The following LINGO2 variants were observed in gnomAD, a reference collection of about 807,000 sequenced individuals.
The protein encoded by LINGO2 is leucine rich repeat and Ig domain containing 2.
LINGO2 carries 14 observed loss-of-function variants against 30.6 expected under a neutral mutation model. The observed-to-expected ratio is 0.46, with a 90% CI of 0.30 to 0.72. The LOEUF is 0.72. Ranked by LOEUF, LINGO2 falls within the 30% of genes least tolerant of loss-of-function variation. The probability of loss-of-function intolerance (pLI) is 0.07; values close to 1 mark genes in which losing one functional copy is unlikely to be tolerated. For synonymous variants in LINGO2, 317 were observed against 288.5 expected (o/e 1.10, Z -1.00); for missense variants, 729 against 751.7 (o/e 0.97, Z 0.35).
chr9:28,946,263 G>A, the LINGO2 span, among the ~76,000 whole-genome samples: 1 of 151,998 alleles, frequency 6.6e-6, no homozygotes, highest in Non-Finnish European at 1.5e-5. Context: ...GGTTACTACA[G>A]AGAAAAAGCA....
At chr9:28,518,576 G>A (rs937800237) in intron 1 of LINGO2, among the ~76,000 whole-genome samples, 1 of 152,170 alleles carries the variant, frequency 6.6e-6, no homozygotes, top group Non-Finnish European at 1.5e-5. Flanking sequence ...TGAACCAGGA[G>A]AAAAGAAACA....
chr9:28,612,780 G>A (rs978656954), intron 1 of LINGO2, among the ~76,000 whole-genome samples: 2 of 152,148 alleles, frequency 1.3e-5, no homozygotes, highest in African/African-American at 4.8e-5. Context: ...GACTTTAGGA[G>A]ACTGTTGAGA....
At chr9:28,427,390 C>T (rs1329378379) in intron 2 of LINGO2, among the ~76,000 whole-genome samples, 1 of 152,078 alleles carries the variant, frequency 6.6e-6, no homozygotes, top group Non-Finnish European at 1.5e-5. Context: ...CTTCACTACT[C>T]AAACAACTAG....
At chr9:28,307,780 C>T (rs1824430970) in intron 3 of LINGO2, among the ~76,000 whole-genome samples, 4 of 152,088 alleles carry the variant, frequency 2.6e-5, no homozygotes, top group Admixed American at 1.3e-4. Flanking sequence ...TTCTTATACA[C>T]CAATAACAGA....
At chr9:28,658,021 T>C (rs1324188699) in intron 1 of LINGO2, among the ~76,000 whole-genome samples, 1 of 152,062 alleles carries the variant, frequency 6.6e-6, no homozygotes, top group Non-Finnish European at 1.5e-5. Flanking sequence ...GTGGTTTGAG[T>C]GTATTGTTTA....
the LINGO2 span, among the ~76,000 whole-genome samples, chr9:28,921,423 G>A: frequency 1.1e-4 from 16 of 152,000 alleles, no homozygotes; most frequent in African/African-American, 1.9e-4. Context: ...CACAATGACC[G>A]ACTGAGACAG....
At chr9:28,632,708 TTATATATAGATC>T (rs962176562) in intron 1 of LINGO2, among the ~76,000 whole-genome samples, 39 of 133,356 alleles carry the variant, frequency 2.9e-4, no homozygotes, top group African/African-American at 8.9e-4. Context: ...ATCTATATAT[TTATATATAGATC>T]TATATATAGA....
At chr9:29,159,160 T>A in the LINGO2 span, among the ~76,000 whole-genome samples, 1 of 152,126 alleles carries the variant, frequency 6.6e-6, no homozygotes. Flanking sequence ...TTATCTGAGC[T>A]ACACAAAAAA....
At chr9:28,233,059 T>TACAC (rs60936373) in intron 4 of LINGO2, among the ~76,000 whole-genome samples, 4 of 125,908 alleles carry the variant, frequency 3.2e-5, no homozygotes, top group Non-Finnish European at 6.5e-5. Context: ...TATATATATA[T>TACAC]ATTAGATATA....
the LINGO2 span, among the ~76,000 whole-genome samples, chr9:28,874,335 G>C: frequency 0.39 from 58,633 of 151,570 alleles, 12,689 homozygotes; most frequent in African/African-American, 0.6. Context: ...AGGATATTAT[G>C]AGATTAAAAA....
chr9:27,986,259 A>G (rs1222908800), intron 5 of LINGO2, among the ~76,000 whole-genome samples: 1 of 151,848 alleles, frequency 6.6e-6, no homozygotes, highest in Non-Finnish European at 1.5e-5. Flanking sequence ...CTCAACACAC[A>G]CACACACACA....
intron 4 of LINGO2, among the ~76,000 whole-genome samples, chr9:28,280,230 G>T (rs1487427454): frequency 6.6e-6 from 1 of 152,126 alleles, no homozygotes; most frequent in Non-Finnish European, 1.5e-5. Flanking sequence ...GAGCTAATAA[G>T]TGTTCAACAC....
At chr9:28,928,647 A>G in the LINGO2 span, among the ~76,000 whole-genome samples, 2 of 152,214 alleles carry the variant, frequency 1.3e-5, no homozygotes, top group African/African-American at 4.8e-5. Context: ...CCAGGACATG[A>G]AAAACACAGT....
At chr9:28,262,430 T>A (rs1455969728) in intron 4 of LINGO2, among the ~76,000 whole-genome samples, 1 of 151,852 alleles carries the variant, frequency 6.6e-6, no homozygotes, top group African/African-American at 2.4e-5. Flanking sequence ...CCAGCTGGTA[T>A]TTTAAAATAG....
chr9:28,671,220 C>T (rs1441256578), upstream of LINGO2, among the ~76,000 whole-genome samples: 1 of 151,964 alleles, frequency 6.6e-6, no homozygotes, highest in East Asian at 1.9e-4. Flanking sequence ...CTCGACCTTT[C>T]CCCTCTGCAC....
At chr9:28,906,694 G>A in the LINGO2 span, among the ~76,000 whole-genome samples, 2 of 151,776 alleles carry the variant, frequency 1.3e-5, no homozygotes, top group Admixed American at 6.6e-5. Context: ...GCTCCATTCC[G>A]ATTACTGTGA....
the LINGO2 span, among the ~76,000 whole-genome samples, chr9:28,990,532 G>C: frequency 6.6e-6 from 1 of 152,210 alleles, no homozygotes; most frequent in Non-Finnish European, 1.5e-5. Flanking sequence ...CTGGAGACCT[G>C]AGAACAGGCA....
chr9:28,033,093 C>T (rs1035486846), intron 4 of LINGO2, among the ~76,000 whole-genome samples: 1 of 152,140 alleles, frequency 6.6e-6, no homozygotes, highest in African/African-American at 2.4e-5. Context: ...AAGCCTGAAA[C>T]CCTCTGCATT....
the LINGO2 span, among the ~76,000 whole-genome samples, chr9:28,761,382 T>C: frequency 2.0e-5 from 3 of 151,802 alleles, no homozygotes; most frequent in East Asian, 5.8e-4. Context: ...GAAAGAGATG[T>C]ACTGAGGAAG....
Sources: gnomAD v4.1 joint callset for allele counts (sites outside exome capture counted in the v4.1 genomes callset) on GRCh38, gnomAD v4.1.1 for gene constraint, MANE v1.5 for transcripts, NCBI Gene and HGNC (gene_info 2026-07-23, HGNC 2026-07-21) for gene names.